Variants in MICAL3 observed in about 807,000 individuals in gnomAD.
MICAL3 encodes the protein [F-actin]-monooxygenase MICAL3.
MICAL3 carries 62 observed loss-of-function variants against 207.4 expected under a neutral mutation model. The ratio of observed to expected loss-of-function variants is 0.30; its 90% CI spans 0.24 to 0.37. The LOEUF is 0.37. Ranked by LOEUF, MICAL3 falls within the 10% of genes least tolerant of loss-of-function variation. The pLI, the probability that MICAL3 is intolerant of heterozygous loss-of-function variation, is 1.00. For synonymous variants in MICAL3, 1,077 were observed against 1,069.3 expected (o/e 1.01, Z -0.14); for missense variants, 2,368 against 2,635.6 (o/e 0.90, Z 2.22).
intron 16 of MICAL3, among the ~76,000 whole-genome samples, chr22:17,873,273 G>A (rs938204151): frequency 6.6e-6 from 1 of 152,244 alleles, no homozygotes; most frequent in Non-Finnish European, 1.5e-5. Context: ...TGCCCAGGCT[G>A]AGCCTGCCTT....
chr22:17,941,219 T>C (rs1933791538), intron 1 of MICAL3, among the ~76,000 whole-genome samples: 1 of 152,184 alleles, frequency 6.6e-6, no homozygotes, highest in Non-Finnish European at 1.5e-5. Context: ...GCATTTGCCC[T>C]AAGAGACTCA....
rs575976575 is a variant in MICAL3, at chr22:17,899,127, C to G, written c.948+321G>C. Among the ~76,000 whole-genome samples, 3 of 152,334 alleles carry G rather than the reference C, an allele frequency of 2.0e-5. No individual in the cohort carries two copies. In the South Asian group the frequency reaches 6.2e-4, roughly 32 times the overall value. ...TGCATGAAATGCTGTCTGAAACCTG[C>G]TTTGCAAGAATCCAGTGGTGAAGAA... is the stretch of plus-strand genomic sequence containing the variant. On this transcript the variant is annotated intron_variant, in intron 7 of 31. Coordinates refer to ENST00000441493, the MANE Select transcript of MICAL3 (RefSeq NM_015241.3).
At chr22:17,874,642 C>T (rs868469639) in intron 16 of MICAL3, among the ~76,000 whole-genome samples, 3 of 152,192 alleles carry the variant, frequency 2.0e-5, no homozygotes, top group East Asian at 1.9e-4. Context: ...GCATGAAAAG[C>T]GATGGTTTCC....
Position 17,818,518 on chromosome 22 carries a change from C to T in MICAL3, c.4143G>A (p.Lys1381=). The change falls in exon 26 of 32, where the codon AAG becomes AAA. Residue 1381 remains lysine (K), a synonymous_variant. Coordinates refer to ENST00000441493, the MANE Select transcript of MICAL3 (RefSeq NM_015241.3). Reference sequence around the variant, plus strand: ...CCAGCCTTTTGGGGATGGACAGAGGCTTGAGAAGGTGGAGTCCCTCATCCT... The same window carrying T: ...CCAGCCTTTTGGGGATGGACAGAGGTTTGAGAAGGTGGAGTCCCTCATCCT... The part of the protein sequence containing the change: ...SPQDEGLHLL[K]PLSIPKRLGL... 1.2e-6 allele frequency: 2 copies of T among 1,613,286 alleles called. No individual in the cohort carries two copies. The highest frequency in any genetic ancestry group is 1.7e-6 in the Non-Finnish European group (2 of 1,179,872).
rs778888845 is a variant in MICAL3 at position 17,863,008 on chromosome 22, G to A, written c.2605+1891C>T. On this transcript the variant is annotated intron_variant, in intron 19 of 31. Coordinates refer to ENST00000441493, the MANE Select transcript of MICAL3 (RefSeq NM_015241.3). Reference sequence around the variant, plus strand: ...TCCTCAGGGCTCTGACTCTTTCTTGGTGGTTTTGCTCTTTAACCACACTGC... The same window carrying A: ...TCCTCAGGGCTCTGACTCTTTCTTGATGGTTTTGCTCTTTAACCACACTGC... 2.5e-5 allele frequency: 25 copies of A among 985,270 alleles called. No homozygotes were observed. The Admixed American group carries it at 4.3e-4, about 17-fold the overall frequency. The allele number at this position is 985,270 out of a possible 1,614,324, so 61.0% of individuals were successfully genotyped here.
intron 1 of MICAL3, among the ~76,000 whole-genome samples, chr22:17,960,692 G>A (rs562602120): frequency 6.6e-6 from 1 of 152,130 alleles, no homozygotes; most frequent in Non-Finnish European, 1.5e-5. Flanking sequence ...GGGGTGAGAG[G>A]GTGGGGGGAA....
chr22:17,916,888 A>T (rs1209909623), intron 1 of MICAL3, among the ~76,000 whole-genome samples: 2 of 152,204 alleles, frequency 1.3e-5, no homozygotes, highest in African/African-American at 4.8e-5. Context: ...GTTTAAAAAA[A>T]GAAGTTTCAT....
At chr22:17,866,668 T>TAGAATAGAATAGAATATAGA (rs796572705) in intron 17 of MICAL3, among the ~76,000 whole-genome samples, 4 of 81,966 alleles carry the variant, frequency 4.9e-5, no homozygotes, top group Non-Finnish European at 7.4e-5. Context: ...TAGAATAGAA[T>TAGAATAGAATAGAATATAGA]ATAGAATAGA....
intron 1 of MICAL3, among the ~76,000 whole-genome samples, chr22:18,018,497 G>A (rs1164112328): frequency 6.6e-6 from 1 of 152,102 alleles, no homozygotes; most frequent in African/African-American, 2.4e-5. Flanking sequence ...GCCAAGGCAG[G>A]TGGATCACCC....
intron 1 of MICAL3, among the ~76,000 whole-genome samples, chr22:17,964,433 T>C (rs919344901): frequency 2.2e-4 from 33 of 152,210 alleles, no homozygotes; most frequent in African/African-American, 7.5e-4. Flanking sequence ...CTGACTCTTA[T>C]GTGATGATCT....
chr22:17,862,594 G>A (rs1926642175), intron 19 of MICAL3: 1 of 985,356 alleles, frequency 1.0e-6, no homozygotes, highest in Non-Finnish European at 1.2e-6. Context: ...TCAAAAGGAA[G>A]TCTAGTTAAG....
intron 1 of MICAL3, among the ~76,000 whole-genome samples, chr22:17,971,141 C>T (rs1339478231): frequency 6.6e-6 from 1 of 152,096 alleles, no homozygotes; most frequent in Non-Finnish European, 1.5e-5. Flanking sequence ...TGCACCACTG[C>T]ACTCCAGCTT....
At chr22:17,817,205 C>A in intron 26 of MICAL3, 106 bp downstream of exon 26, 1 of 1,370,938 alleles carries the variant, frequency 7.3e-7, no homozygotes, top group Non-Finnish European at 9.7e-7. Flanking sequence ...CTCCTGAGAA[C>A]CCTCGGCGGG....
At chr22:17,893,249 T>TGAGA (rs1930524286) in intron 11 of MICAL3, among the ~76,000 whole-genome samples, 1 of 152,144 alleles carries the variant, frequency 6.6e-6, no homozygotes, top group African/African-American at 2.4e-5. Context: ...TCTTTCTACC[T>TGAGA]GGTCTCCCTG....
intron 29 of MICAL3, among the ~76,000 whole-genome samples, chr22:17,794,741 GA>G (rs528306397): frequency 1.7e-3 from 265 of 152,280 alleles, no homozygotes; most frequent in Non-Finnish European, 3.1e-3. Flanking sequence ...TTACAGGAAC[GA>G]TGCTGGGAGG....
intron 19 of MICAL3, among the ~76,000 whole-genome samples, chr22:17,850,613 T>C (rs1925223896): frequency 6.6e-6 from 1 of 151,958 alleles, no homozygotes; most frequent in Admixed American, 6.6e-5. Context: ...GGTTTTACCA[T>C]GTTGGTCAGG....
intron 16 of MICAL3, chr22:17,875,273 A>G: frequency 4.8e-6 from 2 of 418,112 alleles, no homozygotes; most frequent in East Asian, 8.9e-5. Context: ...AGTGTGCCAC[A>G]GACCTCACAC....
intron 1 of MICAL3, among the ~76,000 whole-genome samples, chr22:17,955,343 T>G (rs1602285871): frequency 6.6e-6 from 1 of 152,336 alleles, no homozygotes; most frequent in African/African-American, 2.4e-5. Context: ...AACAGGTGTG[T>G]GTCTGCCCTG....
intron 1 of MICAL3, among the ~76,000 whole-genome samples, chr22:17,940,826 A>AGG (rs1933772427): frequency 6.6e-6 from 1 of 152,194 alleles, no homozygotes. Context: ...CTCACAGGAC[A>AGG]GGCCAGCATC....
Sources: gnomAD v4.1 joint callset for allele counts (sites outside exome capture counted in the v4.1 genomes callset) on GRCh38, gnomAD v4.1.1 for gene constraint, MANE v1.5 for transcripts, NCBI Gene and HGNC (gene_info 2026-07-23, HGNC 2026-07-21) for gene names.